The following CTNNA3 variants were observed in gnomAD, a reference collection of about 807,000 sequenced individuals.
The protein encoded by CTNNA3 is catenin alpha-3.
Under a neutral mutation model 95.7 loss-of-function variants are expected in CTNNA3, and 76 were observed. That is an observed-to-expected ratio of 0.79 (90% confidence interval 0.66 to 0.96). CTNNA3 has a LOEUF of 0.96. Ranked by LOEUF, CTNNA3 falls within the 40% of genes least tolerant of loss-of-function variation. CTNNA3 has a pLI of 0.00. For synonymous variants in CTNNA3, 431 were observed against 374.4 expected (o/e 1.15, Z -1.74); for missense variants, 1,191 against 1,089.8 (o/e 1.09, Z -1.31).
At chr10:66,304,851 T>C (rs1177195858) in intron 12 of CTNNA3, among the ~76,000 whole-genome samples, 1 of 152,188 alleles carries the variant, frequency 6.6e-6, no homozygotes, top group East Asian at 1.9e-4. Flanking sequence ...TAAGGTTAAG[T>C]ACATAGATAT....
At chr10:66,293,056 G>T (rs1014772403) in intron 12 of CTNNA3, among the ~76,000 whole-genome samples, 1 of 152,044 alleles carries the variant, frequency 6.6e-6, no homozygotes, top group African/African-American at 2.4e-5. Context: ...ATATGTATAA[G>T]TTTTGATGAT....
intron 14 of CTNNA3, among the ~76,000 whole-genome samples, chr10:66,083,640 G>A (rs374208252): frequency 2.0e-5 from 3 of 152,178 alleles, no homozygotes; most frequent in Admixed American, 6.5e-5. Context: ...AGGCAACTAA[G>A]GTCTGGCTTA....
At position 67,437,451 on chromosome 10, in the gene CTNNA3, GTACCCCAATAAATTTAATAAA is replaced by G. The variant is rs562266773; in HGVS notation, c.579+84370_579+84390del. Among the ~76,000 whole-genome samples, 1,162 of 151,598 alleles carry G rather than the reference GTACCCCAATAAATTTAATAAA, an allele frequency of 7.7e-3. 16 individuals are homozygous for G. Among genetic ancestry groups the G allele is most frequent in the African/African-American group, 0.023 (949 of 41,286 alleles). The stretch of plus-strand genomic sequence containing the variant: ...TTACTCATGTAACCAAATACCATCT[GTACCCCAATAAATTTAATAAA>G]TACCCCAATAAATTTAATAAATACC... On this transcript the variant is annotated intron_variant, in intron 5 of 17. Coordinates refer to ENST00000433211, the MANE Select transcript of CTNNA3 (RefSeq NM_013266.4).
chr10:67,695,677 C>T (rs1012200856), intron 1 of CTNNA3, among the ~76,000 whole-genome samples: 38 of 152,312 alleles, frequency 2.5e-4, no homozygotes, highest in African/African-American at 9.1e-4. Context: ...GCACAAGCAT[C>T]CAGGCCATAT....
chr10:67,127,244 A>C (rs1328662615), intron 7 of CTNNA3, among the ~76,000 whole-genome samples: 4 of 152,146 alleles, frequency 2.6e-5, no homozygotes, highest in African/African-American at 9.7e-5. Context: ...AATTTTTTAT[A>C]AGTGGAGAGA....
intron 6 of CTNNA3, among the ~76,000 whole-genome samples, chr10:67,211,177 G>T (rs1168876635): frequency 2.6e-5 from 4 of 151,914 alleles, no homozygotes; most frequent in African/African-American, 9.7e-5. Flanking sequence ...ATGATTAACT[G>T]ATGGTCATGA....
chr10:66,158,931 G>A (rs962176963), intron 13 of CTNNA3, among the ~76,000 whole-genome samples: 1 of 151,882 alleles, frequency 6.6e-6, no homozygotes, highest in Admixed American at 6.6e-5. Flanking sequence ...CTGTAAAAGG[G>A]GTTGAGTTCT....
At chr10:67,487,015 T>A (rs967563891) in intron 5 of CTNNA3, among the ~76,000 whole-genome samples, 3 of 152,126 alleles carry the variant, frequency 2.0e-5, no homozygotes, top group Non-Finnish European at 4.4e-5. Context: ...TCATCCCAAA[T>A]GATTACCTGG....
intron 5 of CTNNA3, among the ~76,000 whole-genome samples, chr10:67,410,837 G>GTT (rs1241859352): frequency 6.6e-6 from 1 of 152,096 alleles, no homozygotes; most frequent in Non-Finnish European, 1.5e-5. Context: ...AAGAAAATGT[G>GTT]TTATATATAC....
chr10:67,633,165 G>T (rs1188787882), intron 2 of CTNNA3, among the ~76,000 whole-genome samples: 4 of 152,010 alleles, frequency 2.6e-5, no homozygotes, highest in African/African-American at 9.7e-5. Flanking sequence ...CTCCTCACAG[G>T]GTGGGACCTC....
At chr10:67,126,868 A>C (rs763086698) in intron 7 of CTNNA3, among the ~76,000 whole-genome samples, 4 of 152,216 alleles carry the variant, frequency 2.6e-5, no homozygotes, top group Non-Finnish European at 5.9e-5. Flanking sequence ...GGGAAGCCAC[A>C]TAATGACAAC....
At chr10:67,423,432 G>C (rs1033189613) in intron 5 of CTNNA3, among the ~76,000 whole-genome samples, 2 of 152,106 alleles carry the variant, frequency 1.3e-5, no homozygotes, top group South Asian at 4.1e-4. Flanking sequence ...GGAAGCCTAA[G>C]GTTTCAAGGA....
intron 7 of CTNNA3, among the ~76,000 whole-genome samples, chr10:66,970,439 C>T (rs1161900450): frequency 1.4e-5 from 2 of 145,580 alleles, no homozygotes; most frequent in Admixed American, 1.5e-4. Flanking sequence ...GGTAATATTA[C>T]ATTTGAGTTC....
At chr10:67,020,836 G>A (rs935262335) in intron 7 of CTNNA3, among the ~76,000 whole-genome samples, 1 of 152,138 alleles carries the variant, frequency 6.6e-6, no homozygotes, top group Non-Finnish European at 1.5e-5. Context: ...GGAACAGAGG[G>A]GCTTCAGATG....
chr10:66,044,728 C>T (rs1322046513), intron 15 of CTNNA3, among the ~76,000 whole-genome samples: 1 of 152,150 alleles, frequency 6.6e-6, no homozygotes, highest in African/African-American at 2.4e-5. Flanking sequence ...AATTCCACAC[C>T]AGCTCTGCGC....
At position 67,758,580 on chromosome 10, in the gene CTNNA3, A is replaced by T. The variant is rs925101858; in HGVS notation, c.-2+4854T>A. ...CCCCAATTATAATCCCAATACATTG[A>T]TCATAGCTGTATTTTAATGTAATCC... is the stretch of plus-strand genomic sequence containing the variant. On this transcript the variant is annotated intron_variant, in intron 1 of 17. Coordinates refer to the CTNNA3 transcript ENST00000684154. 2.6e-5 allele frequency among the ~76,000 whole-genome samples: 4 copies of T among 152,058 alleles called. 1 individual carries two copies. The highest frequency in any genetic ancestry group is 2.0e-4 in the Admixed American group (3 of 15,238).
intron 10 of CTNNA3, among the ~76,000 whole-genome samples, chr10:66,583,620 T>G (rs1274643386): frequency 6.6e-6 from 1 of 151,842 alleles, no homozygotes; most frequent in African/African-American, 2.4e-5. Flanking sequence ...TTTTATCTTT[T>G]TGAAGGAGCT....
At chr10:66,909,553 G>A (rs1427282363) in intron 7 of CTNNA3, among the ~76,000 whole-genome samples, 2 of 151,512 alleles carry the variant, frequency 1.3e-5, no homozygotes, top group Non-Finnish European at 2.9e-5. Flanking sequence ...CACTACCTTC[G>A]GACACAAATG....
At chr10:67,039,990 A>C (rs1854294724) in intron 7 of CTNNA3, among the ~76,000 whole-genome samples, 1 of 152,018 alleles carries the variant, frequency 6.6e-6, no homozygotes, top group South Asian at 2.1e-4. Flanking sequence ...CAGGAATGTC[A>C]CCCTGTCCTG....
Sources: gnomAD v4.1 joint callset for allele counts (sites outside exome capture counted in the v4.1 genomes callset) on GRCh38, gnomAD v4.1.1 for gene constraint, MANE v1.5 for transcripts, NCBI Gene and HGNC (gene_info 2026-07-23, HGNC 2026-07-21) for gene names.